Variants in RABGAP1L observed in about 807,000 individuals in gnomAD.
RABGAP1L encodes the protein rab GTPase-activating protein 1-like.
In RABGAP1L, 63 loss-of-function variants were observed where a neutral mutation model predicts 137.7. The ratio of observed to expected loss-of-function variants is 0.46; its 90% CI spans 0.37 to 0.56. RABGAP1L has a LOEUF of 0.56. RABGAP1L is among the 20% of genes least tolerant of loss of function. The pLI, the probability that RABGAP1L is intolerant of heterozygous loss-of-function variation, is 0.00. For synonymous variants in RABGAP1L, 431 were observed against 433.7 expected, an observed-to-expected ratio of 0.99 and a Z score of 0.08; for missense variants, 1,095 against 1,244.0, an observed-to-expected ratio of 0.88 and a Z score of 1.80.
At chr1:174,279,581 T>TA (rs900950916) in intron 10 of RABGAP1L, among the ~76,000 whole-genome samples, 2 of 152,126 alleles carry the variant, frequency 1.3e-5, no homozygotes, top group Non-Finnish European at 2.9e-5. Context: ...ATTTTCATAT[T>TA]AAAAAAACTG....
chr1:174,499,061 G>T (rs1661007952), intron 13 of RABGAP1L, among the ~76,000 whole-genome samples: 1 of 151,518 alleles, frequency 6.6e-6, no homozygotes. Context: ...CTTACAAAAG[G>T]CCAAAATATC....
intron 13 of RABGAP1L, among the ~76,000 whole-genome samples, chr1:174,402,940 A>G (rs1648783205): frequency 6.6e-6 from 1 of 152,098 alleles, no homozygotes; most frequent in African/African-American, 2.4e-5. Context: ...ACTTTCAGTA[A>G]TTGTATGACA....
intron 13 of RABGAP1L, among the ~76,000 whole-genome samples, chr1:174,486,955 T>G (rs1659734622): frequency 6.6e-6 from 1 of 152,260 alleles, no homozygotes; most frequent in Non-Finnish European, 1.5e-5. Context: ...TCCTTGTTAC[T>G]AATTTCTAGT....
At chr1:174,202,889 C>T (rs1402517995) in intron 1 of RABGAP1L, among the ~76,000 whole-genome samples, 1 of 152,090 alleles carries the variant, frequency 6.6e-6, no homozygotes, top group African/African-American at 2.4e-5. Flanking sequence ...GTTTTCCCAG[C>T]ACCATTTATT....
chr1:174,453,820 T>C (rs1458747660), intron 13 of RABGAP1L, among the ~76,000 whole-genome samples: 1 of 152,216 alleles, frequency 6.6e-6, no homozygotes, highest in Non-Finnish European at 1.5e-5. Context: ...TTTTAAAATA[T>C]TCATAACTTT....
intron 14 of RABGAP1L, among the ~76,000 whole-genome samples, chr1:174,670,433 G>C (rs1677088890): frequency 6.6e-6 from 1 of 152,024 alleles, no homozygotes; most frequent in African/African-American, 2.4e-5. Context: ...AAAATGTACA[G>C]TTAAGTTATT....
intron 13 of RABGAP1L, among the ~76,000 whole-genome samples, chr1:174,467,192 T>TA (rs1231537143): frequency 2.6e-5 from 4 of 152,212 alleles, no homozygotes; most frequent in Non-Finnish European, 5.9e-5. Context: ...CTTTATTTTT[T>TA]ACATCTTATA....
intron 17 of RABGAP1L, among the ~76,000 whole-genome samples, chr1:174,711,910 G>A (rs1680556316): frequency 6.6e-6 from 1 of 152,240 alleles, no homozygotes; most frequent in Non-Finnish European, 1.5e-5. Flanking sequence ...TTAGCTAGAG[G>A]ATTGTAAATG....
intron 11 of RABGAP1L, among the ~76,000 whole-genome samples, chr1:174,315,141 A>G (rs550156022): frequency 6.6e-6 from 1 of 152,118 alleles, no homozygotes; most frequent in East Asian, 1.9e-4. Context: ...CTCTAATAAT[A>G]TTTGCTTTGT....
At chr1:174,205,376 T>C (rs1022055900) in intron 1 of RABGAP1L, among the ~76,000 whole-genome samples, 1 of 152,180 alleles carries the variant, frequency 6.6e-6, no homozygotes, top group African/African-American at 2.4e-5. Context: ...AGCTCTTCTC[T>C]GTAGATCTGG....
At chr1:174,621,385 T>C (rs1285287246) in intron 13 of RABGAP1L, among the ~76,000 whole-genome samples, 5 of 152,146 alleles carry the variant, frequency 3.3e-5, no homozygotes, top group African/African-American at 1.2e-4. Context: ...AAAATGAACC[T>C]GCACTGCCAA....
intron 14 of RABGAP1L, among the ~76,000 whole-genome samples, chr1:174,658,753 C>T (rs1158499971): frequency 6.6e-6 from 1 of 152,050 alleles, no homozygotes; most frequent in Non-Finnish European, 1.5e-5. Flanking sequence ...TCTTGCTCTG[C>T]CTAATGGTTT....
intron 19 of RABGAP1L, among the ~76,000 whole-genome samples, chr1:174,814,604 T>C (rs966956683): frequency 1.3e-5 from 2 of 152,202 alleles, no homozygotes; most frequent in Non-Finnish European, 2.9e-5. Flanking sequence ...GTCAAGACCA[T>C]GACTATATGT....
chr1:174,336,610 CAG>C (rs540973007), intron 11 of RABGAP1L, among the ~76,000 whole-genome samples: 40 of 152,206 alleles, frequency 2.6e-4, no homozygotes, highest in Non-Finnish European at 4.1e-4. Context: ...TTTTATAGGT[CAG>C]GGGTAGGGCC....
At chr1:174,292,368 T>C (rs1676716168) in intron 10 of RABGAP1L, among the ~76,000 whole-genome samples, 1 of 139,890 alleles carries the variant, frequency 7.1e-6, no homozygotes, top group South Asian at 2.3e-4. Context: ...ACTGCTTTTT[T>C]CCTAATACTT....
At chr1:174,623,248 A>C (rs1358018197) in intron 13 of RABGAP1L, among the ~76,000 whole-genome samples, 1 of 152,202 alleles carries the variant, frequency 6.6e-6, no homozygotes, top group African/African-American at 2.4e-5. Flanking sequence ...TAAATAGAGA[A>C]AATTTACTCG....
intron 18 of RABGAP1L, among the ~76,000 whole-genome samples, chr1:174,802,112 G>C (rs1688812305): frequency 6.6e-6 from 1 of 152,128 alleles, no homozygotes; most frequent in South Asian, 2.1e-4. Context: ...AAATTAATTA[G>C]CAATAAAATC....
intron 13 of RABGAP1L, among the ~76,000 whole-genome samples, chr1:174,566,541 A>G (rs995495869): frequency 1.1e-4 from 17 of 152,194 alleles, no homozygotes; most frequent in Non-Finnish European, 8.8e-5. Flanking sequence ...GTGTATACTT[A>G]CAGAGTGACT....
At chr1:174,185,236 T>C (rs1397475559) in intron 1 of RABGAP1L, among the ~76,000 whole-genome samples, 1 of 152,202 alleles carries the variant, frequency 6.6e-6, no homozygotes, top group Non-Finnish European at 1.5e-5. Context: ...ATTAGGTTGG[T>C]GCAAAAATGA....
Sources: gnomAD v4.1 joint callset for allele counts (sites outside exome capture counted in the v4.1 genomes callset) on GRCh38, gnomAD v4.1.1 for gene constraint, MANE v1.5 for transcripts, NCBI Gene and HGNC (gene_info 2026-07-23, HGNC 2026-07-21) for gene names.